PDCD7: variants seen among roughly 807,000 people sequenced by gnomAD.
PDCD7 encodes programmed cell death 7, also known as programmed cell death protein 7.
Under a neutral mutation model 42.1 loss-of-function variants are expected in PDCD7, and 40 were observed. That is an observed-to-expected ratio of 0.95 (90% confidence interval 0.74 to 1.24). The LOEUF is 1.24. Ranked by LOEUF, PDCD7 falls within the 50% of genes most tolerant of loss-of-function variation. The pLI is 0.00. For synonymous variants in PDCD7, 299 were observed against 303.3 expected (o/e 0.99, Z 0.15); for missense variants, 644 against 662.8 (o/e 0.97, Z 0.31).
Position 65,133,350 on chromosome 15 carries a change from C to A in PDCD7, c.432G>T (p.Arg144=). The A allele has an allele frequency of 8.0e-7, 1 of 1,247,938 alleles. No individual in the cohort carries two copies. The highest frequency in any genetic ancestry group is 3.2e-5 in the South Asian group (1 of 31,682). The allele number at this position is 1,247,938 out of a possible 1,614,324, so 77.3% of individuals were successfully genotyped here. A position where few individuals can be genotyped will look rare whatever the true frequency, so the allele number is the denominator to read the frequency against. The change falls in exon 1 of 5, where the codon CGG becomes CGT. Residue 144 remains arginine (R), a synonymous_variant. Coordinates refer to ENST00000204549, the MANE Select transcript of PDCD7 (RefSeq NM_005707.2). ...GDAALQRLRD[R]QWLEAVFGTP... ...TCCCGAACACCGCCTCCAGCCACTG[C>A]CGGTCGCGCAGGCGTTGGAGGGCCG...
chr15:65,118,754 CT>C lies in PDCD7; in HGVS notation c.1420del (p.Ser474AlafsTer29). 6.2e-7 allele frequency: 1 copy of C among 1,609,230 alleles called. No homozygotes were observed. Among genetic ancestry groups the C allele is most frequent in the Non-Finnish European group, 8.5e-7 (1 of 1,178,048 alleles). Reference sequence around the variant, plus strand: ...AACAGCAGTTGCCCAGATGTCGTTGCTGGGGAGCGGGGGAAGGACCCATCCT... The same window carrying C: ...AACAGCAGTTGCCCAGATGTCGTTGCGGGGAGCGGGGGAAGGACCCATCCT... ...PQGWVLPPLP[S>X]NDIWATAVKL... On this transcript the variant is annotated frameshift_variant, in exon 5 of 5. Coordinates refer to ENST00000204549, the MANE Select transcript of PDCD7 (RefSeq NM_005707.2). LOFTEE classifies it high-confidence loss of function.
chr15:65,132,059 CACAT>C (rs1224935402), intron 1 of PDCD7, among the ~76,000 whole-genome samples: 1 of 147,590 alleles, frequency 6.8e-6, no homozygotes, highest in Non-Finnish European at 1.5e-5. Context: ...TATATATACA[CACAT>C]ACACATACAT....
At chr15:65,132,867 C>T in intron 1 of PDCD7, 45 bp downstream of exon 1, 1 of 1,593,344 alleles carries the variant, frequency 6.3e-7, no homozygotes. Context: ...GCTCCAGGTT[C>T]CAACCACCAC....
chr15:65,123,536 G>A (rs1255845166), intron 2 of PDCD7, among the ~76,000 whole-genome samples: 1 of 152,180 alleles, frequency 6.6e-6, no homozygotes, highest in Admixed American at 6.5e-5. Flanking sequence ...ATACAATAGT[G>A]CCAGCTTTGA....
rs561257987 is a variant in PDCD7 at position 65,132,057 on chromosome 15, CACACAT to C, written c.870+849_870+854del. On this transcript the variant is annotated intron_variant, in intron 1 of 4. Coordinates refer to ENST00000204549, the MANE Select transcript of PDCD7 (RefSeq NM_005707.2). Reference sequence around the variant, plus strand: ...ATACACAGATACATACATATATATACACACATACACATACATACATATATATACACA... The same window carrying C: ...ATACACAGATACATACATATATATACACACATACATACATATATATACACA... Among the ~76,000 whole-genome samples the C allele has an allele frequency of 5.8e-3, 865 of 149,604 alleles. 5 individuals carry two copies. Among genetic ancestry groups the C allele is most frequent in the Middle Eastern group, 0.014 (4 of 292 alleles).
chr15:65,127,472 A>AG (rs1352867335), intron 2 of PDCD7, among the ~76,000 whole-genome samples: 12 of 151,960 alleles, frequency 7.9e-5, no homozygotes, highest in African/African-American at 2.9e-4. Context: ...TCAAAAAAAA[A>AG]AAAAAAAAAA....
intron 2 of PDCD7, among the ~76,000 whole-genome samples, chr15:65,121,960 T>A (rs1012274451): frequency 6.6e-6 from 1 of 152,166 alleles, no homozygotes; most frequent in Admixed American, 6.5e-5. Flanking sequence ...GGTGAATCAA[T>A]GTAGAGTGAT....
At chr15:65,129,736 C>T (rs2087524133) in intron 1 of PDCD7, among the ~76,000 whole-genome samples, 1 of 152,054 alleles carries the variant, frequency 6.6e-6, no homozygotes, top group South Asian at 2.1e-4. Flanking sequence ...TCAAGCCACT[C>T]CTCATAAGAC....
Position 65,129,096 on chromosome 15 carries a change from C to T in PDCD7, c.945G>A (p.Met315Ile). Residue 315 changes from methionine (M) to isoleucine (I), a missense_variant, in exon 2 of 5, where the codon ATG (methionine) becomes ATA (isoleucine). By Grantham distance (10) the Met-to-Ile change is conservative. Coordinates refer to ENST00000204549, the MANE Select transcript of PDCD7 (RefSeq NM_005707.2). ...TCTCCAAAGCCCGTAGAATGTCCAC[C>T]ATTCTTTTGGTATCTGCTTGTTTTT... ...VRKKQADTKR[M>I]VDILRALEKL... 1 of 1,614,052 alleles carries T rather than the reference C, an allele frequency of 6.2e-7. No individual in the cohort carries two copies. Among genetic ancestry groups the T allele is most frequent in the Non-Finnish European group, 8.5e-7 (1 of 1,179,920 alleles).
At chr15:65,120,816 C>A (rs1595926569) in intron 2 of PDCD7, among the ~76,000 whole-genome samples, 1 of 152,134 alleles carries the variant, frequency 6.6e-6, no homozygotes, top group Non-Finnish European at 1.5e-5. Context: ...CCAAAGTGAG[C>A]CACTGCATCC....
At chr15:65,123,997 T>A (rs781330366) in intron 2 of PDCD7, among the ~76,000 whole-genome samples, 4 of 152,210 alleles carry the variant, frequency 2.6e-5, no homozygotes, top group Non-Finnish European at 5.9e-5. Flanking sequence ...AATACACAGA[T>A]ACTCCATCAT....
At chr15:65,130,722 A>G (rs2087533190) in intron 1 of PDCD7, among the ~76,000 whole-genome samples, 1 of 152,096 alleles carries the variant, frequency 6.6e-6, no homozygotes. Context: ...GTGCACCTGT[A>G]ATCCCAGCTA....
intron 2 of PDCD7, among the ~76,000 whole-genome samples, chr15:65,123,302 C>T (rs527691497): frequency 1.3e-5 from 2 of 152,294 alleles, no homozygotes; most frequent in South Asian, 2.1e-4. Flanking sequence ...ATTCTCCTGC[C>T]TCAGCCTCCC....
Position 65,133,394 on chromosome 15 carries a change from C to CAGG in PDCD7, c.387_388insCCT (p.Pro129dup), listed in dbSNP as rs1566973910. The CAGG allele has an allele frequency of 8.4e-7, 1 of 1,189,786 alleles. No homozygotes were observed. Among genetic ancestry groups the CAGG allele is most frequent in the Non-Finnish European group, 1.0e-6 (1 of 961,978 alleles). 73.7% of individuals were successfully genotyped at this position (1,189,786 alleles called of 1,614,324 possible). On this transcript the variant is annotated inframe_insertion, in exon 1 of 5. Coordinates refer to ENST00000204549, the MANE Select transcript of PDCD7 (RefSeq NM_005707.2). ...AGGGCCGCATCCCCGAGCACGTCGG[C>CAGG]CGGCGGCGGCGGCGCCTCAGGCCAC...
At chr15:65,125,873 T>C (rs1566972301) in intron 2 of PDCD7, among the ~76,000 whole-genome samples, 1 of 152,182 alleles carries the variant, frequency 6.6e-6, no homozygotes, top group African/African-American at 2.4e-5. Context: ...TCTACATGGC[T>C]GGGGAGGCTT....
At chr15:65,125,366 T>C (rs2087487428) in intron 2 of PDCD7, among the ~76,000 whole-genome samples, 1 of 152,156 alleles carries the variant, frequency 6.6e-6, no homozygotes, top group African/African-American at 2.4e-5. Flanking sequence ...ACAACACCCC[T>C]CACCATCACC....
At chr15:65,129,756 A>G (rs2087524362) in intron 1 of PDCD7, among the ~76,000 whole-genome samples, 1 of 151,992 alleles carries the variant, frequency 6.6e-6, no homozygotes, top group African/African-American at 2.4e-5. Context: ...CTCTGTCACC[A>G]ATATCCTCAC....
At chr15:65,129,915 ATTTT>A (rs746709395) in intron 1 of PDCD7, among the ~76,000 whole-genome samples, 2 of 84,958 alleles carry the variant, frequency 2.4e-5, no homozygotes, top group Non-Finnish European at 2.4e-5. Flanking sequence ...GAAACTTTGT[ATTTT>A]TTTTTTTTTT....
rs550341569 is a variant in PDCD7, at chr15:65,123,440, C to G, written c.1010-3486G>C. 3.3e-5 allele frequency among the ~76,000 whole-genome samples: 5 copies of G among 152,348 alleles called. No individual in the cohort carries two copies. The South Asian group carries it at 1.0e-3, about 32-fold the overall frequency. ...TGACCTCATGATCCTCCCACCTCGG[C>G]CTCCCAAAGTGCTGGGATTACAGGC... On this transcript the variant is annotated intron_variant, in intron 2 of 4. Transcript: ENST00000204549.
Sources: gnomAD v4.1 joint callset for allele counts (sites outside exome capture counted in the v4.1 genomes callset) on GRCh38, gnomAD v4.1.1 for gene constraint, MANE v1.5 for transcripts, NCBI Gene and HGNC (gene_info 2026-07-23, HGNC 2026-07-21) for gene names.